KCNQ5: variants seen among roughly 807,000 people sequenced by gnomAD.
KCNQ5 encodes the protein potassium voltage-gated channel subfamily Q member 5.
KCNQ5 carries 30 observed loss-of-function variants against 98.2 expected under a neutral mutation model. The ratio of observed to expected loss-of-function variants is 0.31; its 90% CI spans 0.23 to 0.41. The LOEUF is 0.41. Among genes scored for constraint, KCNQ5 ranks in the 10% least tolerant of loss-of-function variants. KCNQ5 has a pLI of 1.00. For missense variants in KCNQ5, 835 were observed against 1,182.5 expected (o/e 0.71, Z 4.31); for synonymous variants, 458 against 449.4 (o/e 1.02, Z -0.24).
intron 1 of KCNQ5, among the ~76,000 whole-genome samples, chr6:72,951,546 G>C (rs1466727662): frequency 6.6e-6 from 1 of 151,350 alleles, no homozygotes; most frequent in Non-Finnish European, 1.5e-5. Context: ...GCCTCCCAAA[G>C]TGCTGGGATT....
intron 1 of KCNQ5, among the ~76,000 whole-genome samples, chr6:72,926,512 A>G (rs1342337): frequency 0.3 from 45,223 of 151,866 alleles, 6,868 homozygotes; most frequent in South Asian, 0.33. Flanking sequence ...TGACTCCCTA[A>G]GCCTCAAATT....
At chr6:73,087,984 A>G (rs530233955) in intron 5 of KCNQ5, among the ~76,000 whole-genome samples, 1 of 149,862 alleles carries the variant, frequency 6.7e-6, no homozygotes, top group Non-Finnish European at 1.5e-5. Flanking sequence ...TCTTTTTCTC[A>G]ATGCTCATTG....
intron 11 of KCNQ5, among the ~76,000 whole-genome samples, chr6:73,183,894 G>A (rs1167498830): frequency 6.6e-6 from 1 of 152,162 alleles, no homozygotes; most frequent in African/African-American, 2.4e-5. Context: ...CTTAGAGCAA[G>A]ACAGGCACAC....
At chr6:72,803,562 C>A (rs1376061436) in intron 1 of KCNQ5, among the ~76,000 whole-genome samples, 1 of 152,132 alleles carries the variant, frequency 6.6e-6, no homozygotes, top group East Asian at 1.9e-4. Context: ...ATAAATTAGT[C>A]TTTATCAGAT....
chr6:72,796,614 A>C (rs550500477), intron 1 of KCNQ5, among the ~76,000 whole-genome samples: 20 of 152,326 alleles, frequency 1.3e-4, no homozygotes, highest in African/African-American at 4.8e-4. Context: ...AACACTCTCC[A>C]ACATTATAAG....
At chr6:72,825,152 AC>A (rs201295984) in intron 1 of KCNQ5, among the ~76,000 whole-genome samples, 95 of 151,554 alleles carry the variant, frequency 6.3e-4, no homozygotes, top group African/African-American at 1.6e-3. Context: ...AACAACAACA[AC>A]AAAAAAACGA....
At chr6:72,916,835 G>A (rs1200294463) in intron 1 of KCNQ5, among the ~76,000 whole-genome samples, 6 of 152,276 alleles carry the variant, frequency 3.9e-5, no homozygotes, top group South Asian at 4.1e-4. Context: ...TTCCAAATGA[G>A]GAATGATGCC....
chr6:72,883,098 G>A (rs1327679664), intron 1 of KCNQ5, among the ~76,000 whole-genome samples: 2 of 152,172 alleles, frequency 1.3e-5, no homozygotes, highest in African/African-American at 4.8e-5. Flanking sequence ...TGAACCTTAT[G>A]TTCACCAATC....
rs142166464 is a variant in KCNQ5, at chr6:72,809,964, G to C, written c.398+187377G>C. Among the ~76,000 whole-genome samples, 1,250 of 152,218 alleles carry C rather than the reference G, an allele frequency of 8.2e-3. 13 individuals carry two copies. The highest frequency in any genetic ancestry group is 0.017 in the Middle Eastern group (5 of 294). On this transcript the variant is annotated intron_variant, in intron 1 of 13. Transcript: ENST00000370398. ...TTTAGAGGCACATGTCACAGTTTCT[G>C]TTTGCTTCTGTTGTGACTTTTAATG...
intron 5 of KCNQ5, among the ~76,000 whole-genome samples, chr6:73,088,103 C>T (rs377122679): frequency 6.1e-5 from 9 of 148,326 alleles, no homozygotes; most frequent in Middle Eastern, 3.5e-3. Context: ...CTCACTGCAA[C>T]CTCCACATCC....
intron 1 of KCNQ5, among the ~76,000 whole-genome samples, chr6:72,641,683 T>G (rs561730838): frequency 6.6e-6 from 1 of 152,258 alleles, no homozygotes; most frequent in Non-Finnish European, 1.5e-5. Flanking sequence ...TAATATACTT[T>G]TTAATTGTTA....
chr6:73,138,597 A>G (rs1046780553), intron 10 of KCNQ5, among the ~76,000 whole-genome samples: 3 of 152,234 alleles, frequency 2.0e-5, no homozygotes, highest in Non-Finnish European at 4.4e-5. Flanking sequence ...ATAACCATGC[A>G]TGTTTTAACA....
chr6:72,693,429 G>T (rs1768314013), intron 1 of KCNQ5, among the ~76,000 whole-genome samples: 1 of 152,148 alleles, frequency 6.6e-6, no homozygotes, highest in Non-Finnish European at 1.5e-5. Flanking sequence ...CTTAGCGCTG[G>T]TAGGTTCACT....
chr6:73,041,897 A>T (rs183874659), intron 2 of KCNQ5, 39 bp from the exon 3 acceptor site: 22 of 1,613,014 alleles, frequency 1.4e-5, no homozygotes, highest in Middle Eastern at 3.3e-4. Flanking sequence ...GGTTTGCTCC[A>T]TAATGCTTCT....
chr6:72,896,525 G>A (rs186934490), intron 1 of KCNQ5, among the ~76,000 whole-genome samples: 10 of 152,162 alleles, frequency 6.6e-5, no homozygotes, highest in Non-Finnish European at 1.2e-4. Context: ...TGCTGTAATT[G>A]CGGAGATTCA....
intron 1 of KCNQ5, among the ~76,000 whole-genome samples, chr6:72,829,574 G>A (rs1290544947): frequency 6.6e-6 from 1 of 152,154 alleles, no homozygotes; most frequent in Non-Finnish European, 1.5e-5. Context: ...AAGGCACAGT[G>A]CGAATAACTC....
At chr6:73,124,895 C>T (rs1419707241) in intron 9 of KCNQ5, among the ~76,000 whole-genome samples, 1 of 139,258 alleles carries the variant, frequency 7.2e-6, no homozygotes, top group Non-Finnish European at 1.5e-5. Flanking sequence ...AGGCAGCAGT[C>T]TAGGATACAC....
chr6:72,730,041 T>C (rs926640275), intron 1 of KCNQ5, among the ~76,000 whole-genome samples: 31 of 152,124 alleles, frequency 2.0e-4, no homozygotes, highest in African/African-American at 7.2e-4. Flanking sequence ...CCTGTACTCC[T>C]AGCTACTCAG....
At chr6:72,679,050 C>T (rs1273055035) in intron 1 of KCNQ5, among the ~76,000 whole-genome samples, 1 of 152,164 alleles carries the variant, frequency 6.6e-6, no homozygotes, top group Non-Finnish European at 1.5e-5. Context: ...TTTGCTAATG[C>T]AGTGTCACTC....
Sources: allele counts gnomAD v4.1 joint callset (sites outside exome capture counted in the v4.1 genomes callset), GRCh38; gene constraint gnomAD v4.1.1; transcripts MANE v1.5; gene names NCBI Gene and HGNC (gene_info 2026-07-23, HGNC 2026-07-21).